The following KIF26B variants were observed in gnomAD, a reference collection of about 807,000 sequenced individuals.
KIF26B encodes the protein kinesin-like protein KIF26B.
Under a neutral mutation model 151.2 loss-of-function variants are expected in KIF26B, and 63 were observed. The observed-to-expected ratio is 0.42, with a 90% CI of 0.34 to 0.51. KIF26B has a LOEUF of 0.51. KIF26B is among the 20% of genes least tolerant of loss of function. The pLI is 0.07. For synonymous variants in KIF26B, 1,357 were observed against 1,262.1 expected (o/e 1.08, Z -1.59); for missense variants, 2,813 against 2,913.6 (o/e 0.97, Z 0.79).
chr1:245,662,758 T>C (rs57316478), intron 10 of KIF26B, among the ~76,000 whole-genome samples: 4,743 of 100,310 alleles, frequency 0.047, 1,456 homozygotes, highest in South Asian at 0.071. Context: ...ATGATATATA[T>C]ACACACACAC....
chr1:245,390,727 G>A (rs770717957), intron 3 of KIF26B, among the ~76,000 whole-genome samples: 1 of 151,552 alleles, frequency 6.6e-6, no homozygotes, highest in Non-Finnish European at 1.5e-5. Context: ...TTTCTCAAAA[G>A]GAATGAAAGT....
chr1:245,586,287 T>A (rs2043223471), intron 5 of KIF26B, among the ~76,000 whole-genome samples: 1 of 152,060 alleles, frequency 6.6e-6, no homozygotes, highest in Non-Finnish European at 1.5e-5. Flanking sequence ...CCCAAAGTGC[T>A]GGGATTGCAG....
At chr1:245,240,955 C>T (rs761352653) in intron 2 of KIF26B, among the ~76,000 whole-genome samples, 14 of 152,184 alleles carry the variant, frequency 9.2e-5, no homozygotes, top group African/African-American at 2.2e-4. Context: ...GACTCTGGCC[C>T]GGCCCAAGGT....
At chr1:245,403,514 G>T (rs1347342982) in intron 3 of KIF26B, among the ~76,000 whole-genome samples, 2 of 152,016 alleles carry the variant, frequency 1.3e-5, no homozygotes. Flanking sequence ...CTTGAGCCTC[G>T]TCCCTTTTGG....
chr1:245,504,661 G>A (rs1398840632), intron 4 of KIF26B, among the ~76,000 whole-genome samples: 2 of 151,586 alleles, frequency 1.3e-5, no homozygotes, highest in Non-Finnish European at 2.9e-5. Flanking sequence ...GGCTGGTCTC[G>A]AACTCCTTGC....
In KIF26B at chr1:245,688,329, G is replaced by C. The variant is rs1243566075; in HGVS notation, c.5346G>C (p.Trp1782Cys). Residue 1782 changes from tryptophan to cysteine, a missense_variant, in exon 12 of 15, where the codon TGG (tryptophan) becomes TGC (cysteine). Trp to Cys is a radical substitution (Grantham distance 215). Coordinates refer to ENST00000407071, the MANE Select transcript of KIF26B (RefSeq NM_018012.4). ...SSPPGGKHTPWSTQSLSRNRS... is the reference protein window; with the variant it reads ...SSPPGGKHTPCSTQSLSRNRS... ...CCCCCGGTGGGAAGCACACGCCCTG[G>C]TCCACGCAGTCCCTCAGCAGGAACA... 3 of 1,591,316 alleles carry C rather than the reference G, an allele frequency of 1.9e-6. No homozygotes were observed. Among genetic ancestry groups the C allele is most frequent in the Non-Finnish European group, 2.5e-6 (3 of 1,176,712 alleles).
chr1:245,313,253 C>G (rs1671698834), intron 2 of KIF26B, among the ~76,000 whole-genome samples: 1 of 152,204 alleles, frequency 6.6e-6, no homozygotes, highest in Non-Finnish European at 1.5e-5. Flanking sequence ...TGTGGCTACA[C>G]CAGATGTCTA....
At chr1:245,464,478 T>G (rs1158837468) in intron 4 of KIF26B, among the ~76,000 whole-genome samples, 2 of 146,736 alleles carry the variant, frequency 1.4e-5, no homozygotes, top group African/African-American at 2.6e-5. Flanking sequence ...CGTGTGGGGG[T>G]GTGTGCCCGT....
At chr1:245,158,132 A>G (rs1031501994) in intron 2 of KIF26B, among the ~76,000 whole-genome samples, 2 of 152,212 alleles carry the variant, frequency 1.3e-5, no homozygotes, top group Non-Finnish European at 2.9e-5. Flanking sequence ...CTTGGTTCTT[A>G]AAGATCTAGT....
intron 2 of KIF26B, among the ~76,000 whole-genome samples, chr1:245,294,192 T>C (rs1262062672): frequency 6.6e-6 from 1 of 152,032 alleles, no homozygotes; most frequent in Non-Finnish European, 1.5e-5. Context: ...GGTGGCACAG[T>C]TGTGTTGGAA....
chr1:245,573,733 G>C lies in KIF26B; in HGVS notation c.1351-28844G>C, dbSNP rs1276245659. On this transcript the variant is annotated intron_variant, in intron 5 of 14. Coordinates refer to ENST00000407071, the MANE Select transcript of KIF26B (RefSeq NM_018012.4). ...ATAGAGTAGTTCCCCCTTATCCTCA[G>C]ATAGCCTTCCAAGACTCCCAGTGAA... Among the ~76,000 whole-genome samples, 7 of 152,184 alleles carry C rather than the reference G, an allele frequency of 4.6e-5. No individual in the cohort carries two copies. In the South Asian group the frequency reaches 6.2e-4, roughly 14 times the overall value.
At chr1:245,284,415 C>T (rs1000980412) in intron 2 of KIF26B, among the ~76,000 whole-genome samples, 4 of 152,044 alleles carry the variant, frequency 2.6e-5, no homozygotes, top group African/African-American at 9.7e-5. Flanking sequence ...CCTACAAATA[C>T]ATTTTGGGTT....
chr1:245,461,431 C>A (rs193150454), intron 4 of KIF26B, among the ~76,000 whole-genome samples: 93 of 152,100 alleles, frequency 6.1e-4, no homozygotes, highest in African/African-American at 1.9e-3. Context: ...ACGATTGCAC[C>A]CCACCATGGT....
intron 2 of KIF26B, among the ~76,000 whole-genome samples, chr1:245,267,038 A>G (rs1670759597): frequency 6.6e-6 from 1 of 152,194 alleles, no homozygotes; most frequent in African/African-American, 2.4e-5. Context: ...ATATGCTAAT[A>G]CTAGGTATTC....
At chr1:245,412,577 T>G (rs479631) in intron 3 of KIF26B, among the ~76,000 whole-genome samples, 1 of 151,950 alleles carries the variant, frequency 6.6e-6, no homozygotes, top group African/African-American at 2.4e-5. Context: ...AGCTTACAGA[T>G]TGCAATTTGC....
chr1:245,703,243 T>C lies in KIF26B; in HGVS notation c.*637T>C, dbSNP rs887876819. 2.0e-5 allele frequency: 3 copies of C among 152,668 alleles called. No homozygotes were observed. The highest frequency in any genetic ancestry group is 7.2e-5 in the African/African-American group (3 of 41,462). 9.5% of individuals were successfully genotyped at this position (152,668 alleles called of 1,614,324 possible). A position where few individuals can be genotyped will look rare whatever the true frequency, so the allele number is the denominator to read the frequency against. The stretch of plus-strand genomic sequence containing the variant: ...ATTGCTTATGAATAAATATTACCTG[T>C]CTTTTATGGTTATTCTGGTGAGGCC... On this transcript the variant is annotated 3_prime_UTR_variant, in exon 15 of 15. Transcript: ENST00000407071.
Position 245,609,493 on chromosome 1 carries a change from G to T in KIF26B, c.1879G>T (p.Val627Leu). The T allele has an allele frequency of 6.3e-7, 1 of 1,589,644 alleles. No individual in the cohort carries two copies. The highest frequency in any genetic ancestry group is 8.6e-7 in the Non-Finnish European group (1 of 1,167,210). ...GSLQDGQSPG[V>L]YLCEDPICGT... is the part of the protein sequence containing the mutation. The stretch of plus-strand genomic sequence containing the variant: ...CCTGCAGGACGGCCAGTCCCCGGGC[G>T]TGTACCTCTGTGAGGACCCCATCTG... The change falls in exon 8 of 15, where the codon GTG becomes TTG. Residue 627 changes from valine (V) to leucine (L), a missense_variant. Physicochemically the swap from Val to Leu is conservative, Grantham distance 32 (BLOSUM62 1). Transcript: ENST00000407071.
At chr1:245,205,427 TATAAG>T (rs1194715059) in intron 2 of KIF26B, among the ~76,000 whole-genome samples, 1 of 152,164 alleles carries the variant, frequency 6.6e-6, no homozygotes, top group Admixed American at 6.5e-5. Context: ...TATTGAATCT[TATAAG>T]AATATAGGGG....
In KIF26B at chr1:245,540,556, T is replaced by G; in HGVS notation, c.1167-211T>G. 1.4e-6 allele frequency: 1 copy of G among 705,342 alleles called. No homozygotes were observed. The highest frequency in any genetic ancestry group is 2.6e-6 in the Non-Finnish European group (1 of 384,870). 43.7% of individuals were successfully genotyped at this position (705,342 alleles called of 1,614,324 possible). ...TGCAGAATCCTGCTATTTTATGGCT[T>G]TGTTTTTCCTTTTGTCGTATAAATG... is the stretch of plus-strand genomic sequence containing the variant. On this transcript the variant is annotated intron_variant, in intron 4 of 14. Coordinates refer to ENST00000407071, the MANE Select transcript of KIF26B (RefSeq NM_018012.4). This position sits in a 1 kb window ranked among gnomAD's most constrained non-coding sequence, Gnocchi z 4.6.
Sources: allele counts gnomAD v4.1 joint callset (sites outside exome capture counted in the v4.1 genomes callset), GRCh38; gene constraint gnomAD v4.1.1; non-coding constraint Gnocchi (gnomAD v3.1); transcripts MANE v1.5; gene names NCBI Gene and HGNC (gene_info 2026-07-23, HGNC 2026-07-21).